The following BPIFB4 variants were observed in gnomAD, a reference collection of about 807,000 sequenced individuals.
BPIFB4 encodes BPI fold containing family B member 4, also known as BPI fold-containing family B member 4.
BPIFB4 carries 62 observed loss-of-function variants against 69.2 expected under a neutral mutation model. The ratio of observed to expected loss-of-function variants is 0.90; its 90% CI spans 0.73 to 1.11. The LOEUF is 1.11. BPIFB4 is among the 50% of genes least tolerant of loss of function. BPIFB4 has a pLI of 0.00. For missense variants in BPIFB4, 789 were observed against 792.0 expected (o/e 1.00, Z 0.04); for synonymous variants, 330 against 332.7 (o/e 0.99, Z 0.09).
chr20:33,094,437 T>C (rs974028373), intron 11 of BPIFB4, among the ~76,000 whole-genome samples: 1 of 152,214 alleles, frequency 6.6e-6, no homozygotes, highest in African/African-American at 2.4e-5. Context: ...CACTGAGTTA[T>C]GCAAATGGAC....
intron 10 of BPIFB4, among the ~76,000 whole-genome samples, chr20:33,091,119 C>T (rs112724418): frequency 3.6e-4 from 55 of 152,316 alleles, no homozygotes; most frequent in African/African-American, 1.3e-3. Context: ...CCCAAGGTCA[C>T]ACAGCTAATA....
At chr20:33,083,024 G>A (rs1336640681) in intron 4 of BPIFB4, 24 bp downstream of exon 4, 1 of 1,601,900 alleles carries the variant, frequency 6.2e-7, no homozygotes. Flanking sequence ...TGATGGTGGT[G>A]GGCCTCTCCT....
Position 33,084,912 on chromosome 20 carries a change from C to A in BPIFB4, c.698C>A (p.Thr233Asn). The A allele has an allele frequency of 6.2e-7, 1 of 1,609,500 alleles. No homozygotes were observed. The highest frequency in any genetic ancestry group is 8.5e-7 in the Non-Finnish European group (1 of 1,179,966). ...GITGLRIVELTLPRVSVRLLP... is the reference protein window; with the variant it reads ...GITGLRIVELNLPRVSVRLLP... ...AGCAGGCTGCGTATCGTGGAGCTGACCCTCCCTCGGGTGTCCGTGCGGCTC... is the reference window on the plus strand; with the variant it reads ...AGCAGGCTGCGTATCGTGGAGCTGAACCTCCCTCGGGTGTCCGTGCGGCTC... The change falls in exon 6 of 18, where the codon ACC becomes AAC. Residue 233 changes from threonine to asparagine, a missense_variant. Thr to Asn is a moderately conservative substitution (Grantham distance 65). This residue lies in a region of BPIFB4 where 611 missense variants were observed against 575.4 expected (regional missense o/e 1.06). Transcript: ENST00000375483.
intron 5 of BPIFB4, among the ~76,000 whole-genome samples, chr20:33,084,242 C>T (rs1981349925): frequency 6.6e-6 from 1 of 152,224 alleles, no homozygotes; most frequent in Non-Finnish European, 1.5e-5. Flanking sequence ...GCCTGTTCCT[C>T]ATAGTCGATG....
rs1432897507 is a variant in BPIFB4, at chr20:33,083,679, T to A, written c.482T>A (p.Val161Asp). The change falls in exon 5 of 18, where the codon GTT becomes GAT. Residue 161 changes from valine to aspartate, a missense_variant. Val to Asp is a radical substitution (Grantham distance 152, BLOSUM62 -3). Around this residue, in one of 3 missense-constraint regions of BPIFB4, gnomAD observed 611 missense variants for 575.4 expected, o/e 1.06. Coordinates refer to ENST00000375483, the MANE Select transcript of BPIFB4 (RefSeq NM_182519.3). ...ELQPGEIPPGVATGAVGPGGL... is the reference protein window; with the variant it reads ...ELQPGEIPPGDATGAVGPGGL... ...CAGCCTGGAGAAATCCCACCTGGAG[T>A]TGCCACTGGGGCGGTGGGCCCAGGT... 1.2e-6 allele frequency: 2 copies of A among 1,613,604 alleles called. No homozygotes were observed. Among genetic ancestry groups the A allele is most frequent in the African/African-American group, 1.3e-5 (1 of 74,766 alleles).
chr20:33,101,630 T>A (rs951832019), intron 14 of BPIFB4, among the ~76,000 whole-genome samples: 1 of 152,190 alleles, frequency 6.6e-6, no homozygotes, highest in South Asian at 2.1e-4. Context: ...ACTGCAGCCT[T>A]GACCTCCCCA....
At chr20:33,089,327 T>C (rs1207784847) in intron 8 of BPIFB4, among the ~76,000 whole-genome samples, 171 bp from the exon 9 acceptor site, 1 of 152,156 alleles carries the variant, frequency 6.6e-6, no homozygotes, top group Non-Finnish European at 1.5e-5. Context: ...GATTTTCCCA[T>C]CTGTAAGTGG....
chr20:33,104,733 AG>A, intron 15 of BPIFB4, 76 bp from the exon 16 acceptor site: 1 of 1,395,738 alleles, frequency 7.2e-7, no homozygotes. Flanking sequence ...ACCTTGAGCC[AG>A]GGGAGCAGAC....
rs925765660 is a variant in BPIFB4 at position 33,097,790 on chromosome 20, G to A, written c.1569+3G>A. 9 of 1,607,558 alleles carry A rather than the reference G, an allele frequency of 5.6e-6. No individual in the cohort carries two copies. In the African/African-American group the frequency reaches 1.1e-4, roughly 19 times the overall value. The stretch of plus-strand genomic sequence containing the variant: ...CTACCATCTGCCTCATTGACGTGGT[G>A]AGTGTCTGGAGGTACTGGTGGCCTC... On this transcript the variant is annotated splice_donor_region_variant and intron_variant, in intron 13 of 17. Coordinates refer to ENST00000375483, the MANE Select transcript of BPIFB4 (RefSeq NM_182519.3).
At chr20:33,091,537 ATGCAGGAG>A (rs1981599621) in intron 10 of BPIFB4, among the ~76,000 whole-genome samples, 1 of 152,266 alleles carries the variant, frequency 6.6e-6, no homozygotes, top group Non-Finnish European at 1.5e-5. Context: ...AGATACAGAG[ATGCAGGAG>A]TGCATCCGTG....
rs535736291 is a variant in BPIFB4 at position 33,086,119 on chromosome 20, G to T, written c.881G>T (p.Arg294Leu). ...RTGYPRLVIE[R>L]CDTLLGGIKV... ...GGTTATCCTCGGCTGGTCATTGAGC[G>T]ATGTGACACCCTCCTAGGGGGCATC... The change falls in exon 7 of 18, where the codon CGA becomes CTA. Residue 294 changes from arginine (R) to leucine (L), a missense_variant. Around this residue, in one of 3 missense-constraint regions of BPIFB4, gnomAD observed 611 missense variants for 575.4 expected, o/e 1.06. Coordinates refer to ENST00000375483, the MANE Select transcript of BPIFB4 (RefSeq NM_182519.3). The T allele has an allele frequency of 3.1e-6, 5 of 1,613,320 alleles. No individual in the cohort carries two copies. Among genetic ancestry groups the T allele is most frequent in the African/African-American group, 1.3e-5 (1 of 75,044 alleles).
At chr20:33,107,875 C>A (rs1278620078) in intron 17 of BPIFB4, 55 bp downstream of exon 17, 1 of 1,455,838 alleles carries the variant, frequency 6.9e-7, no homozygotes, top group Non-Finnish European at 9.6e-7. Context: ...TGCTCATCAC[C>A]TTTGACCACT....
At chr20:33,088,254 T>C (rs1022288353) in intron 7 of BPIFB4, among the ~76,000 whole-genome samples, 6 of 151,254 alleles carry the variant, frequency 4.0e-5, no homozygotes, top group South Asian at 2.1e-4. Context: ...GGCAGGAGGA[T>C]TTCTTGAGCC....
chr20:33,102,636 A>G (rs1981937894), intron 14 of BPIFB4, among the ~76,000 whole-genome samples: 1 of 152,208 alleles, frequency 6.6e-6, no homozygotes, highest in African/African-American at 2.4e-5. Flanking sequence ...GCAGCGCTTT[A>G]TGGGAATATC....
intron 1 of BPIFB4, 106 bp downstream of exon 1, chr20:33,079,809 C>T (rs1019334699): frequency 2.7e-4 from 41 of 152,248 alleles, no homozygotes; most frequent in African/African-American, 9.2e-4. Flanking sequence ...AGGATGGCCC[C>T]TCTCCAAGTT....
At chr20:33,082,899 A>G (rs1568999580) in intron 3 of BPIFB4, 39 bp from the exon 4 acceptor site, 2 of 1,581,642 alleles carry the variant, frequency 1.3e-6, no homozygotes, top group Non-Finnish European at 8.7e-7. Flanking sequence ...GGTGGAAAAA[A>G]GGGAGGAACC....
At position 33,090,679 on chromosome 20, in the gene BPIFB4, C is replaced by A. The variant is rs536260635; in HGVS notation, c.1052-29C>A. ...GAAGGCATCTGGATGGTGAGGGGAC[C>A]TCCCTGTGACCCTCTCCTTTGCCTG... On this transcript the variant is annotated intron_variant, in intron 9 of 17. Coordinates refer to ENST00000375483, the MANE Select transcript of BPIFB4 (RefSeq NM_182519.3). The A allele has an allele frequency of 2.5e-6, 4 of 1,611,922 alleles. No homozygotes were observed. In the African/African-American group the frequency reaches 4.0e-5, roughly 16 times the overall value.
chr20:33,083,035 G>A (rs760800818), intron 4 of BPIFB4, 35 bp downstream of exon 4: 8 of 1,588,132 alleles, frequency 5.0e-6, no homozygotes, highest in Non-Finnish European at 6.0e-6. Context: ...GGCCTCTCCT[G>A]GGCGGTCTGC....
In BPIFB4 at chr20:33,111,682, C is replaced by A; in HGVS notation, c.*245C>A. ...AGGGGAGTCACCTTGGGGCTGGAGG[C>A]CTCTCAGACCCCATCCTGACAGCAG... On this transcript the variant is annotated 3_prime_UTR_variant, in exon 18 of 18. Transcript: ENST00000375483. 1 of 526,612 alleles carries A rather than the reference C, an allele frequency of 1.9e-6. No homozygotes were observed. Among genetic ancestry groups the A allele is most frequent in the Non-Finnish European group, 3.4e-6 (1 of 292,062 alleles). 32.6% of individuals were successfully genotyped at this position (526,612 alleles called of 1,614,324 possible).
Sources: allele counts gnomAD v4.1 joint callset (sites outside exome capture counted in the v4.1 genomes callset), GRCh38; gene constraint gnomAD v4.1.1; regional missense constraint gnomAD v4.1.1; transcripts MANE v1.5; gene names NCBI Gene and HGNC (gene_info 2026-07-23, HGNC 2026-07-21).